The following SLC3A1 variants were observed in gnomAD, a reference collection of about 807,000 sequenced individuals.
SLC3A1 encodes the protein solute carrier family 3 member 1.
A neutral mutation model predicts 60.3 loss-of-function variants in SLC3A1; 78 were observed. The observed-to-expected ratio is 1.29, with a 90% CI of 1.08 to 1.56. The LOEUF (loss-of-function observed/expected upper bound fraction) is 1.56, where lower values mean the gene tolerates loss of function less well. Among genes scored for constraint, SLC3A1 ranks in the 40% most tolerant of loss-of-function variants. The probability of loss-of-function intolerance (pLI) is 0.00; values close to 1 mark genes in which losing one functional copy is unlikely to be tolerated. For synonymous variants in SLC3A1, 392 were observed against 307.9 expected (o/e 1.27, Z -2.86); for missense variants, 1,172 against 858.9 (o/e 1.36, Z -4.56).
At chr2:44,279,303 T>C (rs1427045065) in intron 1 of SLC3A1, among the ~76,000 whole-genome samples, 4 of 152,168 alleles carry the variant, frequency 2.6e-5, no homozygotes, top group Non-Finnish European at 5.9e-5. Flanking sequence ...TCCTGCCTTC[T>C]CACCCTTTTT....
intron 3 of SLC3A1, chr2:44,285,374 G>A (rs1018538489): frequency 1.3e-4 from 31 of 233,242 alleles, no homozygotes; most frequent in Admixed American, 1.2e-3. Context: ...AGAGCCCCAT[G>A]AAACTCTCAC....
intron 3 of SLC3A1, among the ~76,000 whole-genome samples, chr2:44,282,662 C>G (rs972088537): frequency 2.6e-5 from 4 of 151,980 alleles, no homozygotes; most frequent in Non-Finnish European, 5.9e-5. Context: ...GAGACAGGGT[C>G]TTGCTCTTTC....
chr2:44,308,193 C>T (rs1361791891), intron 7 of SLC3A1, among the ~76,000 whole-genome samples: 1 of 152,174 alleles, frequency 6.6e-6, no homozygotes, highest in East Asian at 1.9e-4. Context: ...TCCAGACTCT[C>T]AGTTCTGTTC....
intron 4 of SLC3A1, among the ~76,000 whole-genome samples, chr2:44,297,073 A>G (rs1316950974): frequency 6.6e-6 from 1 of 152,366 alleles, no homozygotes; most frequent in South Asian, 2.1e-4. Context: ...ACTCTAATAC[A>G]CAAGTGAACT....
At position 44,278,872 on chromosome 2, in the gene SLC3A1, A is replaced by G. The variant is rs900120142; in HGVS notation, c.431-1844A>G. Among the ~76,000 whole-genome samples the G allele has an allele frequency of 3.3e-5, 5 of 152,206 alleles. No homozygotes were observed. In the East Asian group the frequency reaches 9.6e-4, roughly 29 times the overall value. On this transcript the variant is annotated intron_variant, in intron 1 of 9. Transcript: ENST00000260649. ...AAAGGCAGTCTGAGAGTGGAAACAA[A>G]GACTCCTCAAATATTGGCACAAACT... is the stretch of plus-strand genomic sequence containing the variant.
intron 7 of SLC3A1, among the ~76,000 whole-genome samples, chr2:44,309,931 A>T (rs1672252468): frequency 6.6e-6 from 1 of 151,706 alleles, no homozygotes. Flanking sequence ...CTTTGTCATC[A>T]CCTAGGCTGG....
chr2:44,288,385 C>T (rs753352361), intron 4 of SLC3A1, among the ~76,000 whole-genome samples: 2 of 152,092 alleles, frequency 1.3e-5, no homozygotes, highest in Non-Finnish European at 2.9e-5. Flanking sequence ...ACAGTCACTC[C>T]TTATGGCCCC....
rs149012504 is a variant in SLC3A1, at chr2:44,321,418, C to T, written c.*779C>T. Reference sequence around the variant, plus strand: ...CTGGTGCTGTCAAGTCCAAGTTCCTCGTACAGGAATTTAATTTGGGCTGTA... The same window carrying T: ...CTGGTGCTGTCAAGTCCAAGTTCCTTGTACAGGAATTTAATTTGGGCTGTA... On this transcript the variant is annotated 3_prime_UTR_variant, in exon 10 of 10. Coordinates refer to ENST00000260649, the MANE Select transcript of SLC3A1 (RefSeq NM_000341.4). 1,668 of 1,612,692 alleles carry T rather than the reference C, an allele frequency of 1.0e-3. 19 individuals are homozygous for T. The African/African-American group carries it at 0.018, about 17-fold the overall frequency.
intron 9 of SLC3A1, among the ~76,000 whole-genome samples, chr2:44,317,088 T>G (rs1672490849): frequency 6.6e-6 from 1 of 152,162 alleles, no homozygotes; most frequent in Non-Finnish European, 1.5e-5. Flanking sequence ...GTGTTTGTTT[T>G]GCACAGGAAA....
intron 4 of SLC3A1, among the ~76,000 whole-genome samples, chr2:44,286,839 G>A (rs1027956354): frequency 6.6e-6 from 1 of 150,638 alleles, no homozygotes; most frequent in Non-Finnish European, 1.5e-5. Context: ...TGCCTGTGAT[G>A]GTGAGCTGTG....
rs193300197 is a variant in SLC3A1 at position 44,288,472 on chromosome 2, T to C, written c.891+2315T>C. ...TTTACCCACCTAAGCCTCAGTTAGA[T>C]AGGTTTTGCCTATTCTGGACACTTT... On this transcript the variant is annotated intron_variant, in intron 4 of 9. Coordinates refer to ENST00000260649, the MANE Select transcript of SLC3A1 (RefSeq NM_000341.4). 1.7e-3 allele frequency among the ~76,000 whole-genome samples: 251 copies of C among 152,074 alleles called. 2 individuals are homozygous for C. Among genetic ancestry groups the C allele is most frequent in the African/African-American group, 5.9e-3 (244 of 41,484 alleles).
chr2:44,297,720 G>C (rs1671889311), intron 4 of SLC3A1, among the ~76,000 whole-genome samples: 1 of 152,098 alleles, frequency 6.6e-6, no homozygotes, highest in South Asian at 2.1e-4. Context: ...CTAAGTACCA[G>C]GTGCTGTTTC....
intron 4 of SLC3A1, among the ~76,000 whole-genome samples, chr2:44,294,748 G>T (rs1293235167): frequency 6.6e-6 from 1 of 152,086 alleles, no homozygotes; most frequent in Non-Finnish European, 1.5e-5. Flanking sequence ...ATTTTTCCAA[G>T]ATTTCTGAAC....
At chr2:44,300,188 T>A in intron 5 of SLC3A1, 98 bp downstream of exon 5, 1 of 1,288,614 alleles carries the variant, frequency 7.8e-7, no homozygotes, top group East Asian at 2.3e-5. Flanking sequence ...AAAGATGAGT[T>A]TTGTCCTGTG....
Position 44,276,423 on chromosome 2 carries a change from C to G in SLC3A1, c.430+458C>G, listed in dbSNP as rs1030315864. Among the ~76,000 whole-genome samples the G allele has an allele frequency of 1.5e-4, 23 of 151,964 alleles. 1 individual carries two copies. The highest frequency in any genetic ancestry group is 1.3e-3 in the Admixed American group (20 of 15,260). ...GCATAAATAATATTTTTTTAAAAAT[C>G]AAGTGATATCTGTAAAAAGTATAGG... On this transcript the variant is annotated intron_variant, in intron 1 of 9. Coordinates refer to ENST00000260649, the MANE Select transcript of SLC3A1 (RefSeq NM_000341.4).
intron 4 of SLC3A1, among the ~76,000 whole-genome samples, chr2:44,293,713 G>A (rs1055615472): frequency 3.3e-5 from 5 of 152,086 alleles, no homozygotes; most frequent in Non-Finnish European, 4.4e-5. Context: ...TGTGAATGAG[G>A]GCCTGGTGTT....
At chr2:44,316,436 C>A (rs1051532094) in intron 9 of SLC3A1, 2 of 151,834 alleles carry the variant, frequency 1.3e-5, no homozygotes, top group Middle Eastern at 6.8e-3. Flanking sequence ...GGGGCTTGTC[C>A]AGAACGTACT....
rs1338152824 is a variant in SLC3A1, at chr2:44,313,832, T to C, written c.1501-3T>C. On this transcript the variant is annotated splice_polypyrimidine_tract_variant and splice_region_variant and intron_variant, in intron 8 of 9. Transcript: ENST00000260649. ...GTTTTCCCTTTCTGGTCTTTTGACA[T>C]AGAATACCCTTCGCTCAAAGTCACC... 6 of 1,610,884 alleles carry C rather than the reference T, an allele frequency of 3.7e-6. No homozygotes were observed. In the Admixed American group the frequency reaches 6.7e-5, roughly 18 times the overall value.
At chr2:44,307,275 T>C (rs56115210) in intron 7 of SLC3A1, among the ~76,000 whole-genome samples, 3,301 of 152,324 alleles carry the variant, frequency 0.022, 123 homozygotes, top group African/African-American at 0.074. Context: ...TTTTGGACTA[T>C]TACGAATAGT....
Sources: allele counts gnomAD v4.1 joint callset (sites outside exome capture counted in the v4.1 genomes callset), GRCh38; gene constraint gnomAD v4.1.1; transcripts MANE v1.5; gene names NCBI Gene and HGNC (gene_info 2026-07-23, HGNC 2026-07-21).